Variants in EYA1 observed in about 807,000 individuals in gnomAD.
EYA1 encodes the protein protein phosphatase EYA1.
A neutral mutation model predicts 82.0 loss-of-function variants in EYA1; 16 were observed. The observed-to-expected ratio is 0.20, with a 90% CI of 0.13 to 0.30. The LOEUF (loss-of-function observed/expected upper bound fraction) is 0.30, where lower values mean the gene tolerates loss of function less well. EYA1 is among the 10% of genes least tolerant of loss of function. The pLI is 1.00. For missense variants in EYA1, 633 were observed against 730.7 expected, an observed-to-expected ratio of 0.87 and a Z score of 1.54; for synonymous variants, 261 against 264.4, an observed-to-expected ratio of 0.99 and a Z score of 0.12.
chr8:71,255,040 T>C (rs1430264366), intron 11 of EYA1, among the ~76,000 whole-genome samples: 5 of 152,102 alleles, frequency 3.3e-5, no homozygotes, highest in African/African-American at 9.7e-5. Context: ...TAAACTTAAA[T>C]AGGGAGGGAA....
At chr8:71,491,831 ATGT>A (rs1160035391) in intron 2 of EYA1, among the ~76,000 whole-genome samples, 4 of 152,220 alleles carry the variant, frequency 2.6e-5, no homozygotes, top group Non-Finnish European at 5.9e-5. Context: ...TGTGAGACAC[ATGT>A]TGTTTTCTAT....
intron 4 of EYA1, among the ~76,000 whole-genome samples, chr8:71,323,540 A>C (rs1300334159): frequency 6.6e-6 from 1 of 152,214 alleles, no homozygotes; most frequent in African/African-American, 2.4e-5. Context: ...CTTGTAAAAC[A>C]AACAAGGCCT....
At chr8:71,202,046 A>G (rs1011276787) in intron 17 of EYA1, among the ~76,000 whole-genome samples, 4 of 152,226 alleles carry the variant, frequency 2.6e-5, no homozygotes, top group African/African-American at 9.6e-5. Flanking sequence ...TCATAAAAAC[A>G]TACAAAAATA....
intron 9 of EYA1, among the ~76,000 whole-genome samples, chr8:71,297,531 C>T (rs1488184909): frequency 6.6e-6 from 1 of 152,128 alleles, no homozygotes; most frequent in Non-Finnish European, 1.5e-5. Context: ...AGGTTTGCTA[C>T]ATCTCATTCA....
chr8:71,373,288 A>C (rs545707095), intron 2 of EYA1, among the ~76,000 whole-genome samples: 174 of 152,258 alleles, frequency 1.1e-3, no homozygotes, highest in African/African-American at 4.1e-3. Flanking sequence ...AATTCAGTAA[A>C]GTGGTAAGAT....
intron 2 of EYA1, among the ~76,000 whole-genome samples, chr8:71,479,791 A>G (rs1809988754): frequency 1.3e-5 from 2 of 152,106 alleles, no homozygotes; most frequent in Non-Finnish European, 2.9e-5. Context: ...TTCCTAAGAT[A>G]CCTGAACACC....
intron 2 of EYA1, among the ~76,000 whole-genome samples, chr8:71,387,032 C>T (rs1235382407): frequency 6.6e-6 from 1 of 152,108 alleles, no homozygotes; most frequent in Non-Finnish European, 1.5e-5. Context: ...GTACCACACG[C>T]TGATAATACA....
intron 12 of EYA1, among the ~76,000 whole-genome samples, chr8:71,240,058 A>G (rs2128896000): frequency 6.6e-6 from 1 of 152,328 alleles, no homozygotes; most frequent in South Asian, 2.1e-4. Context: ...ATAGATGATA[A>G]CCTAAGTTTT....
At chr8:71,334,007 A>G in intron 4 of EYA1, 90 bp downstream of exon 4, 1 of 870,308 alleles carries the variant, frequency 1.1e-6, no homozygotes, top group Non-Finnish European at 2.0e-6. Flanking sequence ...ACACATATAC[A>G]TGTATACATA....
At chr8:71,225,418 A>T (rs1810436046) in intron 12 of EYA1, 1 of 398,296 alleles carries the variant, frequency 2.5e-6, no homozygotes, top group African/African-American at 2.1e-5. Context: ...CCTGGCCTTC[A>T]CACCATGATG....
intron 4 of EYA1, among the ~76,000 whole-genome samples, chr8:71,323,140 T>C (rs1822770031): frequency 6.6e-6 from 1 of 152,160 alleles, no homozygotes; most frequent in Admixed American, 6.5e-5. Context: ...TGAATCTACA[T>C]ATATATAAAT....
intron 2 of EYA1, among the ~76,000 whole-genome samples, chr8:71,455,769 A>G (rs1248357856): frequency 6.6e-6 from 1 of 152,174 alleles, no homozygotes. Flanking sequence ...AAATAATAAG[A>G]GCTATTTATG....
chr8:71,238,544 T>C (rs1267460358), intron 12 of EYA1, among the ~76,000 whole-genome samples: 1 of 152,266 alleles, frequency 6.6e-6, no homozygotes, highest in East Asian at 1.9e-4. Context: ...CAAATACTTC[T>C]TATAAGGTTT....
intron 3 of EYA1, among the ~76,000 whole-genome samples, chr8:71,336,056 T>C (rs1824448297): frequency 6.9e-6 from 1 of 144,288 alleles, no homozygotes; most frequent in Non-Finnish European, 1.5e-5. Context: ...ACAAACTCCC[T>C]AGTCAGTATT....
intron 2 of EYA1, chr8:71,403,675 A>T (rs1830071143): frequency 1.3e-5 from 2 of 152,340 alleles, no homozygotes; most frequent in Admixed American, 1.3e-4. Flanking sequence ...TGCACTTCTT[A>T]AAAGAATCAG....
intron 2 of EYA1, among the ~76,000 whole-genome samples, chr8:71,493,984 C>A (rs1811215058): frequency 8.1e-6 from 1 of 122,884 alleles, no homozygotes; most frequent in Admixed American, 1.0e-4. Flanking sequence ...GATCCCGCCA[C>A]TGCACTCCAG....
intron 2 of EYA1, among the ~76,000 whole-genome samples, chr8:71,383,201 G>A (rs1828806000): frequency 1.3e-5 from 2 of 151,992 alleles, no homozygotes; most frequent in Admixed American, 6.5e-5. Context: ...ATAAACTCTG[G>A]CAATTCCAAA....
At chr8:71,280,959 C>T (rs1313539947) in intron 9 of EYA1, among the ~76,000 whole-genome samples, 2 of 152,118 alleles carry the variant, frequency 1.3e-5, no homozygotes, top group South Asian at 2.1e-4. Flanking sequence ...GGTTCCGCCA[C>T]GTTGCCAGGC....
At chr8:71,369,223 ACTT>A (rs1036316130) in intron 2 of EYA1, among the ~76,000 whole-genome samples, 6 of 151,062 alleles carry the variant, frequency 4.0e-5, no homozygotes, top group African/African-American at 1.5e-4. Context: ...AAAAAAAAAA[ACTT>A]CTTAAAGCAG....
Sources: gnomAD v4.1 joint callset for allele counts (sites outside exome capture counted in the v4.1 genomes callset) on GRCh38, gnomAD v4.1.1 for gene constraint, MANE v1.5 for transcripts, NCBI Gene and HGNC (gene_info 2026-07-23, HGNC 2026-07-21) for gene names.